ADNP: variants seen among roughly 807,000 people sequenced by gnomAD.
The protein encoded by ADNP is activity dependent neuroprotector homeobox.
Under a neutral mutation model 84.9 loss-of-function variants are expected in ADNP, and 4 were observed. The ratio of observed to expected loss-of-function variants is 0.05; its 90% CI spans 0.02 to 0.11. The LOEUF is 0.11. Ranked by LOEUF, ADNP falls within the 10% of genes least tolerant of loss-of-function variation. ADNP has a pLI of 1.00. For missense variants in ADNP, 1,132 were observed against 1,326.0 expected (o/e 0.85, Z 2.27); for synonymous variants, 554 against 468.1 (o/e 1.18, Z -2.37).
chr20:50,894,525 C>G lies in ADNP; in HGVS notation c.202-13G>C, dbSNP rs759932155. 3 of 1,559,440 alleles carry G rather than the reference C, an allele frequency of 1.9e-6. No individual in the cohort carries two copies. The highest frequency in any genetic ancestry group is 2.2e-5 in the East Asian group (1 of 44,602). On this transcript the variant is annotated splice_polypyrimidine_tract_variant and intron_variant, in intron 5 of 5. Coordinates refer to ENST00000621696, the MANE Select transcript of ADNP (RefSeq NM_001282531.3). ...TTGTCCGATAGTCCTAAAGTAAACACAAAAACTAGAATTAGAATGCCACTT... is the reference window on the plus strand; with the variant it reads ...TTGTCCGATAGTCCTAAAGTAAACAGAAAAACTAGAATTAGAATGCCACTT...
Position 50,892,469 on chromosome 20 carries a change from G to C in ADNP, c.2245C>G (p.Pro749Ala). The C allele has an allele frequency of 6.2e-7, 1 of 1,614,120 alleles. No individual in the cohort carries two copies. Among genetic ancestry groups the C allele is most frequent in the Non-Finnish European group, 8.5e-7 (1 of 1,180,030 alleles). Residue 749 changes from proline to alanine, a missense_variant, in exon 6 of 6, where the codon CCT (proline) becomes GCT (alanine). Physicochemically the swap from Pro to Ala is conservative, Grantham distance 27. Coordinates refer to ENST00000621696, the MANE Select transcript of ADNP (RefSeq NM_001282531.3). ...PSFFEEKPEE[P>A]VVLALDPKGH... ...TTGGGGTCTAAAGCTAAAACAACAG[G>C]CTCTTCAGGCTTCTCTTCAAAGAAG...
chr20:50,894,575 G>C (rs1296525127), intron 5 of ADNP, 63 bp from the exon 6 acceptor site: 28 of 1,497,484 alleles, frequency 1.9e-5, no homozygotes, highest in Middle Eastern at 1.8e-4. Context: ...ACAGATTCCA[G>C]ATCCCCCCCG....
At chr20:50,896,176 G>A (rs1272323047) in intron 5 of ADNP, among the ~76,000 whole-genome samples, 1 of 152,194 alleles carries the variant, frequency 6.6e-6, no homozygotes, top group Non-Finnish European at 1.5e-5. Flanking sequence ...AGTGAGCCAA[G>A]ATCACAGCAC....
chr20:50,912,321 TA>T (rs897824871), intron 2 of ADNP, among the ~76,000 whole-genome samples: 35 of 152,228 alleles, frequency 2.3e-4, no homozygotes, highest in African/African-American at 8.4e-4. Flanking sequence ...TAATTTTTTT[TA>T]TATTTTTAGC....
Position 50,914,201 on chromosome 20 carries a change from T to C in ADNP, c.-89-9352A>G, listed in dbSNP as rs548965672. 3.4e-5 allele frequency: 26 copies of C among 764,778 alleles called. No homozygotes were observed. The South Asian group carries it at 4.0e-4, about 12-fold the overall frequency. The allele number at this position is 764,778 out of a possible 1,614,324, so 47.4% of individuals were successfully genotyped here. A position where few individuals can be genotyped will look rare whatever the true frequency, so the allele number is the denominator to read the frequency against. On this transcript the variant is annotated intron_variant, in intron 2 of 5. Coordinates refer to ENST00000621696, the MANE Select transcript of ADNP (RefSeq NM_001282531.3). ...AACTTCAAGATGATTCATATCCTTC[T>C]GTACTACAAAGCATCCACAATCATC...
intron 5 of ADNP, among the ~76,000 whole-genome samples, chr20:50,899,452 C>T (rs1456047514): frequency 6.6e-6 from 1 of 152,158 alleles, no homozygotes; most frequent in Non-Finnish European, 1.5e-5. Context: ...CTCAGGCGAT[C>T]CACCTGCCTC....
chr20:50,922,742 G>GCT (rs1984041222), intron 2 of ADNP, among the ~76,000 whole-genome samples: 1 of 151,960 alleles, frequency 6.6e-6, no homozygotes, highest in Admixed American at 6.6e-5. Flanking sequence ...ACTAAACCCA[G>GCT]CTAATTTTTT....
chr20:50,905,933 C>CT (rs1982431685), intron 2 of ADNP, among the ~76,000 whole-genome samples: 5 of 152,206 alleles, frequency 3.3e-5, no homozygotes, highest in Admixed American at 2.6e-4. Context: ...TTAGTACACA[C>CT]TGGGCATGGT....
chr20:50,913,809 G>T, intron 2 of ADNP: 1 of 491,814 alleles, frequency 2.0e-6, no homozygotes. Flanking sequence ...GAGGATTCTG[G>T]CCAATAAACC....
Position 50,903,889 on chromosome 20 carries a change from T to C in ADNP, c.108A>G (p.Glu36=), listed in dbSNP as rs1243908524. ...AATTTAAAAATGACATGCTACTTAC[T>C]TCTATATGTTCTTTACAGTATTCCA... The part of the protein sequence containing the change: ...IGLEYCKEHI[E]DFKQFEPNDF... Residue 36 remains glutamate, a splice_region_variant and synonymous_variant, in exon 4 of 6, where the codon GAA becomes GAG. Coordinates refer to ENST00000621696, the MANE Select transcript of ADNP (RefSeq NM_001282531.3). The C allele has an allele frequency of 1.9e-6, 3 of 1,606,082 alleles. No individual in the cohort carries two copies. The highest frequency in any genetic ancestry group is 3.3e-4 in the Middle Eastern group (2 of 6,036).
Position 50,893,931 on chromosome 20 carries a change from CACT to C in ADNP, c.780_782del (p.Val262del). The C allele has an allele frequency of 6.2e-7, 1 of 1,614,066 alleles. No homozygotes were observed. Among genetic ancestry groups the C allele is most frequent in the Non-Finnish European group, 8.5e-7 (1 of 1,179,958 alleles). ...GCATCAAGGGTTTGGATCGGGGAACCACTACATTTGTGTGCCCAATCATGGCAG... is the reference window on the plus strand; with the variant it reads ...GCATCAAGGGTTTGGATCGGGGAACCACATTTGTGTGCCCAATCATGGCAG... On this transcript the variant is annotated inframe_deletion, in exon 6 of 6. Transcript: ENST00000621696. The surrounding 1 kb of genome is among the most constrained non-coding windows in gnomAD (Gnocchi z 4.4).
At chr20:50,906,952 A>G (rs2122864019) in intron 2 of ADNP, among the ~76,000 whole-genome samples, 1 of 147,268 alleles carries the variant, frequency 6.8e-6, no homozygotes, top group Non-Finnish European at 1.5e-5. Flanking sequence ...TTTTTTTGAG[A>G]CAGGGTTCCA....
chr20:50,905,335 A>G (rs1286581757), intron 2 of ADNP: 2 of 152,322 alleles, frequency 1.3e-5, no homozygotes, highest in Middle Eastern at 3.4e-3. Flanking sequence ...AACAAAAGAC[A>G]AAGCACCAGG....
chr20:50,897,630 T>C (rs1436566611), intron 5 of ADNP, among the ~76,000 whole-genome samples: 1 of 152,188 alleles, frequency 6.6e-6, no homozygotes, highest in Non-Finnish European at 1.5e-5. Flanking sequence ...CCTTCCAGAA[T>C]TGTATCAGAA....
intron 5 of ADNP, among the ~76,000 whole-genome samples, chr20:50,896,622 G>A (rs1248581187): frequency 1.3e-5 from 2 of 152,098 alleles, no homozygotes; most frequent in South Asian, 2.1e-4. Context: ...AAACGCATAC[G>A]TTAGTCTAGG....
At chr20:50,915,225 C>T (rs1341944991) in intron 2 of ADNP, among the ~76,000 whole-genome samples, 1 of 152,026 alleles carries the variant, frequency 6.6e-6, no homozygotes, top group Non-Finnish European at 1.5e-5. Context: ...TATTTAATAC[C>T]TGTCTATATC....
chr20:50,926,782 AAAG>A (rs1348511284), intron 2 of ADNP, among the ~76,000 whole-genome samples: 2 of 152,194 alleles, frequency 1.3e-5, no homozygotes, highest in Non-Finnish European at 2.9e-5. Context: ...ATGATTCTCA[AAAG>A]AAGAAACATA....
chr20:50,891,652 C>G lies in ADNP; in HGVS notation c.3062G>C (p.Gly1021Ala), dbSNP rs1237911024. ...PAAKKKATMQ[G>A]DREQLKWKNS... is the part of the protein sequence containing the mutation. ...CTTCCATTTCAACTGCTCTCTGTCA[C>G]CTTGCATGGTAGCCTTTTTTTTGGC... is the stretch of plus-strand genomic sequence containing the variant. Residue 1021 changes from glycine to alanine, a missense_variant, in exon 6 of 6, where the codon GGT (glycine) becomes GCT (alanine). Physicochemically the swap from Gly to Ala is moderately conservative, Grantham distance 60. Transcript: ENST00000621696. 1 of 1,614,242 alleles carries G rather than the reference C, an allele frequency of 6.2e-7. No individual in the cohort carries two copies. The highest frequency in any genetic ancestry group is 2.2e-5 in the East Asian group (1 of 44,894).
chr20:50,918,422 G>A (rs2426205), intron 2 of ADNP, among the ~76,000 whole-genome samples: 68,847 of 151,980 alleles, frequency 0.45, 17,105 homozygotes, highest in African/African-American at 0.68. Flanking sequence ...GACCATTTTT[G>A]ACACTATAAT....
Sources: gnomAD v4.1 joint callset for allele counts (sites outside exome capture counted in the v4.1 genomes callset) on GRCh38, gnomAD v4.1.1 for gene constraint, Gnocchi (gnomAD v3.1) non-coding constraint, MANE v1.5 for transcripts, NCBI Gene and HGNC (gene_info 2026-07-23, HGNC 2026-07-21) for gene names.